Variants in DYM observed in about 807,000 individuals in gnomAD.
DYM encodes dymeclin, also known as dyggve-Melchior-Clausen syndrome protein.
DYM carries 78 observed loss-of-function variants against 93.1 expected under a neutral mutation model. The observed-to-expected ratio is 0.84, with a 90% CI of 0.70 to 1.01. DYM has a LOEUF of 1.01. Among genes scored for constraint, DYM ranks in the 50% least tolerant of loss-of-function variants. The pLI, the probability that DYM is intolerant of heterozygous loss-of-function variation, is 0.00. For synonymous variants in DYM, 321 were observed against 319.7 expected (o/e 1.00, Z -0.04); for missense variants, 789 against 845.0 (o/e 0.93, Z 0.82).
At chr18:49,245,579 G>T (rs2094145779) in intron 13 of DYM, among the ~76,000 whole-genome samples, 1 of 152,122 alleles carries the variant, frequency 6.6e-6, no homozygotes, top group South Asian at 2.1e-4. Context: ...ATTCCAGCCT[G>T]GTAAATTCTA....
At chr18:49,198,479 C>T (rs1474826812) in intron 14 of DYM, among the ~76,000 whole-genome samples, 2 of 152,030 alleles carry the variant, frequency 1.3e-5, no homozygotes, top group East Asian at 3.8e-4. Flanking sequence ...TGCCATCTAC[C>T]CATCTGACAA....
At chr18:49,361,783 T>A (rs113496432) in intron 6 of DYM, among the ~76,000 whole-genome samples, 3 of 152,004 alleles carry the variant, frequency 2.0e-5, no homozygotes, top group African/African-American at 7.2e-5. Flanking sequence ...TGCAGTGGCG[T>A]GATCTCGGCT....
intron 7 of DYM, among the ~76,000 whole-genome samples, chr18:49,332,670 T>C (rs1330734679): frequency 6.6e-6 from 1 of 152,196 alleles, no homozygotes; most frequent in African/African-American, 2.4e-5. Flanking sequence ...GCTTTTTAAA[T>C]ATGGTTTCCA....
At chr18:49,289,772 TACAC>T (rs1397770081) in intron 8 of DYM, among the ~76,000 whole-genome samples, 739 of 36,028 alleles carry the variant, frequency 0.021, 9 homozygotes, top group South Asian at 0.041. Context: ...TATATATATA[TACAC>T]ATATATATAT....
chr18:49,147,119 G>T lies in DYM; in HGVS notation c.1728+16566C>A, dbSNP rs1463064176. ...GAAAGGATTCCCTATTTAATAAATG[G>T]TGCTGGGAAAACTGGCTAGCCATAT... On this transcript the variant is annotated intron_variant, in intron 15 of 17. Transcript: ENST00000675505. Among the ~76,000 whole-genome samples, 3 of 152,120 alleles carry T rather than the reference G, an allele frequency of 2.0e-5. No individual in the cohort carries two copies. The East Asian group carries it at 5.8e-4, about 29-fold the overall frequency.
chr18:49,180,563 C>A (rs1600393595), intron 14 of DYM, among the ~76,000 whole-genome samples: 1 of 152,206 alleles, frequency 6.6e-6, no homozygotes, highest in East Asian at 1.9e-4. Context: ...TAACCTTGCA[C>A]AATTTAACAT....
At chr18:49,380,375 A>T (rs2067932425) in intron 3 of DYM, among the ~76,000 whole-genome samples, 2 of 152,234 alleles carry the variant, frequency 1.3e-5, no homozygotes, top group South Asian at 4.1e-4. Context: ...AATCTCAGAC[A>T]AATCACTGTA....
At chr18:49,251,618 T>C (rs906260160) in intron 13 of DYM, among the ~76,000 whole-genome samples, 1 of 152,186 alleles carries the variant, frequency 6.6e-6, no homozygotes, top group Non-Finnish European at 1.5e-5. Context: ...GGGCAAATTA[T>C]GTGCGAGGCC....
chr18:49,141,138 A>C (rs1368652684), intron 15 of DYM, among the ~76,000 whole-genome samples: 1 of 152,090 alleles, frequency 6.6e-6, no homozygotes, highest in Non-Finnish European at 1.5e-5. Context: ...TTCATTCATC[A>C]ATTGCCATGA....
chr18:49,047,524 A>T (rs931524390), intron 17 of DYM, among the ~76,000 whole-genome samples: 1 of 151,944 alleles, frequency 6.6e-6, no homozygotes, highest in African/African-American at 2.4e-5. Context: ...TTCTTTCTTT[A>T]TTCTTTCCCT....
chr18:49,227,779 A>G (rs2093582962), intron 13 of DYM, among the ~76,000 whole-genome samples: 1 of 152,172 alleles, frequency 6.6e-6, no homozygotes, highest in Non-Finnish European at 1.5e-5. Flanking sequence ...TGACTGCCAT[A>G]GTGACTGAGG....
chr18:49,202,436 GTC>G (rs1186429401), intron 14 of DYM, among the ~76,000 whole-genome samples: 1 of 144,558 alleles, frequency 6.9e-6, no homozygotes, highest in African/African-American at 2.6e-5. Context: ...AGTGAGGAGT[GTC>G]TCTGCCTGGC....
At chr18:49,246,458 A>G (rs8097220) in intron 13 of DYM, among the ~76,000 whole-genome samples, 4,280 of 152,298 alleles carry the variant, frequency 0.028, 208 homozygotes, top group African/African-American at 0.096. Context: ...ATTTTATAAC[A>G]TATCAAATAT....
At chr18:49,382,631 G>A (rs2068160848) in intron 3 of DYM, among the ~76,000 whole-genome samples, 1 of 151,452 alleles carries the variant, frequency 6.6e-6, no homozygotes, top group Non-Finnish European at 1.5e-5. Context: ...CTCTGACGAA[G>A]TTCAAATCTC....
chr18:49,182,295 A>G (rs2090001168), intron 14 of DYM, among the ~76,000 whole-genome samples: 1 of 152,136 alleles, frequency 6.6e-6, no homozygotes. Context: ...TGTTCTATAA[A>G]TGTCAACGAG....
intron 15 of DYM, among the ~76,000 whole-genome samples, chr18:49,141,628 T>C (rs2084509673): frequency 6.6e-6 from 1 of 152,174 alleles, no homozygotes; most frequent in Non-Finnish European, 1.5e-5. Context: ...CAGTTAAATA[T>C]CACTTTCTCA....
intron 6 of DYM, among the ~76,000 whole-genome samples, chr18:49,338,505 T>A (rs1298426758): frequency 6.6e-6 from 1 of 152,168 alleles, no homozygotes; most frequent in East Asian, 1.9e-4. Flanking sequence ...CTACTGGATA[T>A]CAAGCCACTC....
chr18:49,448,684 T>C (rs1200406994), intron 1 of DYM, among the ~76,000 whole-genome samples: 1 of 152,180 alleles, frequency 6.6e-6, no homozygotes, highest in Non-Finnish European at 1.5e-5. Context: ...CTCTCCACCA[T>C]GGGTCACACC....
At chr18:49,324,515 T>C (rs1315112417) in intron 8 of DYM, among the ~76,000 whole-genome samples, 1 of 152,194 alleles carries the variant, frequency 6.6e-6, no homozygotes, top group Non-Finnish European at 1.5e-5. Context: ...AAATTTTCCT[T>C]TTTTAACTGT....
Sources: allele counts gnomAD v4.1 joint callset (sites outside exome capture counted in the v4.1 genomes callset), GRCh38; gene constraint gnomAD v4.1.1; transcripts MANE v1.5; gene names NCBI Gene and HGNC (gene_info 2026-07-23, HGNC 2026-07-21).